The following PCLO variants were observed in gnomAD, a reference collection of about 807,000 sequenced individuals.
The protein encoded by PCLO is protein piccolo.
In PCLO, 82 loss-of-function variants were observed where a neutral mutation model predicts 427.5. That is an observed-to-expected ratio of 0.19 (90% CI 0.16 to 0.23). The LOEUF is 0.23. Among genes scored for constraint, PCLO ranks in the 10% least tolerant of loss-of-function variants. The pLI is 1.00. For synonymous variants in PCLO, 2,357 were observed against 2,155.4 expected (o/e 1.09, Z -2.59); for missense variants, 6,239 against 6,115.9 (o/e 1.02, Z -0.67).
At chr7:82,932,046 G>A (rs553818380) in intron 6 of PCLO, among the ~76,000 whole-genome samples, 7 of 152,196 alleles carry the variant, frequency 4.6e-5, no homozygotes, top group African/African-American at 1.2e-4. Flanking sequence ...TGTCTTCACC[G>A]TGATGTAGGA....
chr7:82,965,712 G>A, intron 4 of PCLO, 59 bp downstream of exon 4: 1 of 1,158,194 alleles, frequency 8.6e-7, no homozygotes, highest in African/African-American at 1.5e-5. Flanking sequence ...TGTATACTTA[G>A]GTTAAAAATT....
At chr7:82,926,183 C>T (rs1243176832) in intron 6 of PCLO, among the ~76,000 whole-genome samples, 1 of 152,072 alleles carries the variant, frequency 6.6e-6, no homozygotes, top group Non-Finnish European at 1.5e-5. Flanking sequence ...GAAAACAAGA[C>T]CATCAAATTC....
chr7:83,095,930 ATTAGATCCTGG>A (rs1790524260), intron 3 of PCLO, among the ~76,000 whole-genome samples: 2 of 152,216 alleles, frequency 1.3e-5, no homozygotes, highest in South Asian at 4.1e-4. Flanking sequence ...ATAAACGTCT[ATTAGATCCTGG>A]TTATAAAACT....
chr7:82,988,294 G>A (rs1696477471), intron 3 of PCLO, among the ~76,000 whole-genome samples: 1 of 151,924 alleles, frequency 6.6e-6, no homozygotes. Flanking sequence ...CTCCCAAGGT[G>A]CTTACAGGCA....
intron 3 of PCLO, among the ~76,000 whole-genome samples, chr7:83,039,222 T>TA (rs1248463085): frequency 6.6e-6 from 1 of 152,050 alleles, no homozygotes; most frequent in Non-Finnish European, 1.5e-5. Flanking sequence ...TTAATTTTGA[T>TA]AAAGTCTAAT....
At chr7:83,016,230 T>C (rs1352300508) in intron 3 of PCLO, among the ~76,000 whole-genome samples, 1 of 151,796 alleles carries the variant, frequency 6.6e-6, no homozygotes, top group Non-Finnish European at 1.5e-5. Context: ...CAAAATAAAA[T>C]TGAATAATGC....
chr7:82,897,956 A>G (rs532946515), intron 9 of PCLO, among the ~76,000 whole-genome samples: 1 of 151,416 alleles, frequency 6.6e-6, no homozygotes, highest in Admixed American at 6.6e-5. Flanking sequence ...CCATGTTATA[A>G]ATTAAAATTG....
In PCLO at chr7:82,758,068, A is replaced by G. The variant is rs1256269259; in HGVS notation, c.*507T>C. ...CCACCTCACTTCCAGCCCTGGACAC[A>G]TACTGTAGGTATATCTTATGTCAGA... On this transcript the variant is annotated 3_prime_UTR_variant, in exon 25 of 25. Transcript: ENST00000333891. 1 of 152,054 alleles carries G rather than the reference A, an allele frequency of 6.6e-6. No homozygotes were observed. The highest frequency in any genetic ancestry group is 1.5e-5 in the Non-Finnish European group (1 of 67,994). The allele number at this position is 152,054 out of a possible 1,614,324, so 9.4% of individuals were successfully genotyped here.
intron 20 of PCLO, among the ~76,000 whole-genome samples, chr7:82,808,084 T>C (rs1307479288): frequency 6.6e-6 from 1 of 151,934 alleles, no homozygotes; most frequent in Non-Finnish European, 1.5e-5. Context: ...GTCAGATTAG[T>C]CAATTGATTA....
chr7:82,861,788 T>G lies in PCLO; in HGVS notation c.13655-14541A>C, dbSNP rs916291390. Among the ~76,000 whole-genome samples, 5 of 151,960 alleles carry G rather than the reference T, an allele frequency of 3.3e-5. No individual in the cohort carries two copies. The South Asian group carries it at 6.2e-4, about 19-fold the overall frequency. ...GAAATCACCAAGTATTTTCTCTTAC[T>G]ACAATGAAATAAATCTAGAAATAAC... On this transcript the variant is annotated intron_variant, in intron 10 of 24. Transcript: ENST00000333891.
In PCLO at chr7:82,952,034, G is replaced by A. The variant is rs1795363944; in HGVS notation, c.8919C>T (p.His2973=). ...PEDRFGYRDD[H]YQYDRSGPYG... is the part of the protein sequence containing the mutation. ...ATGGCCCTGATCGATCATACTGATAGTGGTCATCCCTATAACCAAAACGAT... is the reference window on the plus strand; with the variant it reads ...ATGGCCCTGATCGATCATACTGATAATGGTCATCCCTATAACCAAAACGAT... Residue 2973 remains histidine, a synonymous_variant, in exon 5 of 25, where the codon CAC becomes CAT. Coordinates refer to ENST00000333891, the MANE Select transcript of PCLO (RefSeq NM_033026.6). 3.7e-6 allele frequency: 6 copies of A among 1,613,942 alleles called. 1 individual carries two copies. The highest frequency in any genetic ancestry group is 5.1e-6 in the Non-Finnish European group (6 of 1,179,834).
At chr7:82,909,834 A>C (rs1794279299) in intron 7 of PCLO, among the ~76,000 whole-genome samples, 1 of 152,118 alleles carries the variant, frequency 6.6e-6, no homozygotes, top group Non-Finnish European at 1.5e-5. Flanking sequence ...TTTAGAAAAT[A>C]GATTGAAGAC....
chr7:83,091,644 C>T (rs533533698), intron 3 of PCLO, among the ~76,000 whole-genome samples: 2 of 152,210 alleles, frequency 1.3e-5, no homozygotes, highest in African/African-American at 4.8e-5. Context: ...TCTTTTTCCC[C>T]ACATACTGAT....
intron 8 of PCLO, among the ~76,000 whole-genome samples, chr7:82,903,435 C>A (rs1022292334): frequency 5.3e-5 from 8 of 151,978 alleles, no homozygotes; most frequent in Non-Finnish European, 8.8e-5. Flanking sequence ...CTTAAAGCTA[C>A]TGTTGCAAAT....
At chr7:82,989,426 T>C (rs561111045) in intron 3 of PCLO, among the ~76,000 whole-genome samples, 1 of 152,152 alleles carries the variant, frequency 6.6e-6, no homozygotes. Context: ...TTGAAAATTA[T>C]AATAATCATA....
At chr7:83,118,358 A>G (rs1201392188) in intron 3 of PCLO, among the ~76,000 whole-genome samples, 1 of 152,176 alleles carries the variant, frequency 6.6e-6, no homozygotes, top group Non-Finnish European at 1.5e-5. Flanking sequence ...CTATACGTAC[A>G]AGAAAGCATC....
At chr7:82,969,499 T>C (rs1001005151) in intron 3 of PCLO, among the ~76,000 whole-genome samples, 1 of 152,120 alleles carries the variant, frequency 6.6e-6, no homozygotes, top group Non-Finnish European at 1.5e-5. Context: ...ATTTTTAACA[T>C]AATGTTGCTA....
chr7:82,999,161 G>GAA (rs35297512), intron 3 of PCLO, among the ~76,000 whole-genome samples: 7 of 115,774 alleles, frequency 6.0e-5, no homozygotes, highest in Non-Finnish European at 9.0e-5. Context: ...AATGAAGACT[G>GAA]AAAAAAAAAA....
intron 10 of PCLO, among the ~76,000 whole-genome samples, chr7:82,874,112 G>T (rs189604544): frequency 2.1e-3 from 322 of 151,892 alleles, no homozygotes; most frequent in African/African-American, 7.5e-3. Context: ...CGTTTTATTT[G>T]CTTCACACAA....
Sources: gnomAD v4.1 joint callset for allele counts (sites outside exome capture counted in the v4.1 genomes callset) on GRCh38, gnomAD v4.1.1 for gene constraint, MANE v1.5 for transcripts, NCBI Gene and HGNC (gene_info 2026-07-23, HGNC 2026-07-21) for gene names.